The following PPARGC1A variants were observed in gnomAD, a reference collection of about 807,000 sequenced individuals.
PPARGC1A encodes the protein PPARG coactivator 1 alpha, also known as peroxisome proliferator-activated receptor gamma coactivator 1-alpha.
PPARGC1A carries 25 observed loss-of-function variants against 88.7 expected under a neutral mutation model. The ratio of observed to expected loss-of-function variants is 0.28; its 90% CI spans 0.21 to 0.39. The LOEUF (loss-of-function observed/expected upper bound fraction) is 0.39. Ranked by LOEUF, PPARGC1A falls within the 10% of genes least tolerant of loss-of-function variation. The pLI, the probability that PPARGC1A is intolerant of heterozygous loss-of-function variation, is 1.00. For synonymous variants in PPARGC1A, 363 were observed against 355.6 expected, an observed-to-expected ratio of 1.02 and a Z score of -0.24; for missense variants, 880 against 968.7, an observed-to-expected ratio of 0.91 and a Z score of 1.22.
the PPARGC1A span, among the ~76,000 whole-genome samples, chr4:24,274,177 T>C: frequency 6.6e-6 from 1 of 152,168 alleles, no homozygotes; most frequent in South Asian, 2.1e-4. Context: ...TTTACAGTCC[T>C]CAACTTTTTT....
At chr4:24,061,768 G>T in the PPARGC1A span, among the ~76,000 whole-genome samples, 1 of 152,196 alleles carries the variant, frequency 6.6e-6, no homozygotes, top group Non-Finnish European at 1.5e-5. Context: ...CTGTAGGTAA[G>T]GTCTGGAACT....
chr4:24,370,244 A>C, the PPARGC1A span, among the ~76,000 whole-genome samples: 3 of 152,218 alleles, frequency 2.0e-5, no homozygotes, highest in African/African-American at 7.2e-5. Context: ...GAGGTTAAAA[A>C]AAAGTGAAAT....
At chr4:24,181,265 G>A in the PPARGC1A span, among the ~76,000 whole-genome samples, 8 of 152,250 alleles carry the variant, frequency 5.3e-5, no homozygotes, top group South Asian at 2.1e-4. Flanking sequence ...GTGTTACAGC[G>A]AAAAACACAG....
At chr4:24,071,589 C>T in the PPARGC1A span, among the ~76,000 whole-genome samples, 18 of 151,874 alleles carry the variant, frequency 1.2e-4, 1 homozygote, top group African/African-American at 4.4e-4. Flanking sequence ...ATGACAAATA[C>T]ATTGGTGAAT....
At chr4:24,448,274 C>G in the PPARGC1A span, among the ~76,000 whole-genome samples, 1 of 152,172 alleles carries the variant, frequency 6.6e-6, no homozygotes, top group Non-Finnish European at 1.5e-5. Flanking sequence ...CTACCAAATA[C>G]ACAGATGTCC....
chr4:24,355,162 C>A, the PPARGC1A span, among the ~76,000 whole-genome samples: 1 of 152,122 alleles, frequency 6.6e-6, no homozygotes, highest in Non-Finnish European at 1.5e-5. Flanking sequence ...TCAGAATTCA[C>A]GACTGATGGA....
At chr4:24,238,770 TG>T in the PPARGC1A span, among the ~76,000 whole-genome samples, 1 of 150,958 alleles carries the variant, frequency 6.6e-6, no homozygotes, top group African/African-American at 2.4e-5. Context: ...TGTGTGTGTG[TG>T]TGTGTGTGTG....
At chr4:24,305,353 G>T in the PPARGC1A span, among the ~76,000 whole-genome samples, 1 of 151,746 alleles carries the variant, frequency 6.6e-6, no homozygotes, top group Non-Finnish European at 1.5e-5. Context: ...TTTTAATTTG[G>T]CTTTTCCATT....
chr4:24,149,704 A>C, the PPARGC1A span, among the ~76,000 whole-genome samples: 1 of 152,194 alleles, frequency 6.6e-6, no homozygotes, highest in Non-Finnish European at 1.5e-5. Context: ...TGGAAATGCC[A>C]CTATGCCTGC....
At chr4:23,828,740 CTG>C in intron 4 of PPARGC1A, 136 bp from the exon 5 acceptor site, 1 of 729,570 alleles carries the variant, frequency 1.4e-6, no homozygotes, top group Non-Finnish European at 2.3e-6. Context: ...CTGTGAATAA[CTG>C]TTTGCAGAAC....
the PPARGC1A span, among the ~76,000 whole-genome samples, chr4:24,310,348 C>G: frequency 6.6e-6 from 1 of 152,206 alleles, no homozygotes; most frequent in Non-Finnish European, 1.5e-5. Flanking sequence ...CAATTCCTCT[C>G]TAGAATCTAC....
the PPARGC1A span, among the ~76,000 whole-genome samples, chr4:24,057,621 TGGA>T: frequency 2.0e-5 from 3 of 152,206 alleles, no homozygotes; most frequent in Non-Finnish European, 4.4e-5. Context: ...TTGGTAGTGG[TGGA>T]GGAGGTAGTG....
chr4:24,188,200 T>G, the PPARGC1A span, among the ~76,000 whole-genome samples: 1 of 151,698 alleles, frequency 6.6e-6, no homozygotes, highest in Admixed American at 6.5e-5. Context: ...AGAAAAATGG[T>G]ACCAGATAGA....
chr4:23,894,114 T>G (rs1718229697), upstream of PPARGC1A, among the ~76,000 whole-genome samples: 1 of 152,066 alleles, frequency 6.6e-6, no homozygotes. Context: ...ATCAAAGCCA[T>G]AGCAAAGACC....
At chr4:24,071,389 CTTAATA>C in the PPARGC1A span, among the ~76,000 whole-genome samples, 10 of 152,256 alleles carry the variant, frequency 6.6e-5, 1 homozygote, top group South Asian at 2.1e-3. Flanking sequence ...TTTACTATAA[CTTAATA>C]TTAACATTGG....
the PPARGC1A span, among the ~76,000 whole-genome samples, chr4:23,953,476 G>A: frequency 6.6e-6 from 1 of 152,088 alleles, no homozygotes; most frequent in Non-Finnish European, 1.5e-5. Context: ...CATACAGGAT[G>A]CAGTCTGCAG....
chr4:24,469,166 T>C, the PPARGC1A span, among the ~76,000 whole-genome samples: 1 of 152,254 alleles, frequency 6.6e-6, no homozygotes, highest in African/African-American at 2.4e-5. Flanking sequence ...CTTGCAAATT[T>C]GGCCCAGGCC....
the PPARGC1A span, among the ~76,000 whole-genome samples, chr4:23,923,154 A>G: frequency 6.9e-6 from 1 of 144,926 alleles, no homozygotes; most frequent in African/African-American, 2.6e-5. Flanking sequence ...GTGAAACGAT[A>G]TTAGGGCTCC....
the PPARGC1A span, among the ~76,000 whole-genome samples, chr4:24,339,223 T>TGAGA: frequency 1.4e-5 from 1 of 72,408 alleles, no homozygotes; most frequent in Non-Finnish European, 3.0e-5. Context: ...TATATATATA[T>TGAGA]ATATATATAT....
Sources: gnomAD v4.1 joint callset for allele counts (sites outside exome capture counted in the v4.1 genomes callset) on GRCh38, gnomAD v4.1.1 for gene constraint, MANE v1.5 for transcripts, NCBI Gene and HGNC (gene_info 2026-07-23, HGNC 2026-07-21) for gene names.